CHTF8: variants seen among roughly 807,000 people sequenced by gnomAD.
CHTF8 encodes the protein chromosome transmission fidelity protein 8 homolog.
A neutral mutation model predicts 11.0 loss-of-function variants in CHTF8; 6 were observed. The observed-to-expected ratio is 0.55, with a 90% CI of 0.30 to 1.08. The LOEUF is 1.08. Ranked by LOEUF, CHTF8 falls within the 50% of genes least tolerant of loss-of-function variation. The pLI, the probability that CHTF8 is intolerant of heterozygous loss-of-function variation, is 0.07. For missense variants in CHTF8, 140 were observed against 153.1 expected (o/e 0.91, Z 0.45); for synonymous variants, 53 against 60.5 (o/e 0.88, Z 0.57).
In CHTF8 at chr16:69,119,573, C is replaced by T. The variant is rs944427159; in HGVS notation, c.*852G>A. ...TGTGAGAAAGAAGCTGAATTTGCTCCTAAAAGACCTGCTGCTCTTAGAATG... is the reference window on the plus strand; with the variant it reads ...TGTGAGAAAGAAGCTGAATTTGCTCTTAAAAGACCTGCTGCTCTTAGAATG... On this transcript the variant is annotated 3_prime_UTR_variant, in exon 4 of 4. Coordinates refer to ENST00000448552, the MANE Select transcript of CHTF8 (RefSeq NM_001039690.5). 6 of 702,404 alleles carry T rather than the reference C, an allele frequency of 8.5e-6. No homozygotes were observed. The highest frequency in any genetic ancestry group is 1.6e-5 in the Non-Finnish European group (6 of 384,730). The allele number at this position is 702,404 out of a possible 1,614,324, so 43.5% of individuals were successfully genotyped here.
At chr16:69,122,867 T>A (rs1447816199) in intron 1 of CHTF8, among the ~76,000 whole-genome samples, 1 of 150,846 alleles carries the variant, frequency 6.6e-6, no homozygotes, top group Non-Finnish European at 1.5e-5. Context: ...TTAGTAGAGA[T>A]GGGGTTTCAC....
At chr16:69,127,552 A>T (rs1191003997) in intron 1 of CHTF8, among the ~76,000 whole-genome samples, 1 of 151,662 alleles carries the variant, frequency 6.6e-6, no homozygotes, top group Non-Finnish European at 1.5e-5. Context: ...TACGCTATAC[A>T]TGAAGTCAAG....
intron 1 of CHTF8, among the ~76,000 whole-genome samples, chr16:69,126,133 C>A (rs1962042243): frequency 6.6e-6 from 1 of 152,106 alleles, no homozygotes; most frequent in Non-Finnish European, 1.5e-5. Flanking sequence ...GTACAAGTGA[C>A]AGTAAAATAC....
intron 1 of CHTF8, among the ~76,000 whole-genome samples, chr16:69,122,426 G>T (rs772772385): frequency 3.3e-5 from 5 of 150,266 alleles, no homozygotes; most frequent in Non-Finnish European, 5.9e-5. Context: ...AATCTGGAGC[G>T]CAGTGGCGCC....
At chr16:69,129,742 T>C (rs1715920660) in intron 1 of CHTF8, among the ~76,000 whole-genome samples, 1 of 152,136 alleles carries the variant, frequency 6.6e-6, no homozygotes, top group Admixed American at 6.6e-5. Context: ...GTAAAGCACC[T>C]CTGTATGATA....
Position 69,118,280 on chromosome 16 carries a change from A to C in CHTF8, c.*2145T>G, listed in dbSNP as rs1961315463. ...CCCAGGAGAAGGGAGCTGCAGGCCC[A>C]GTCAGTCAAGCAGAAACTGCATTCG... On this transcript the variant is annotated 3_prime_UTR_variant, in exon 4 of 4. Transcript: ENST00000448552. The C allele has an allele frequency of 5.4e-6, 5 of 928,404 alleles. No individual in the cohort carries two copies. Among genetic ancestry groups the C allele is most frequent in the Non-Finnish European group, 7.1e-6 (4 of 562,068 alleles). 57.5% of individuals were successfully genotyped at this position (928,404 alleles called of 1,614,324 possible).
At chr16:69,124,877 AACAC>A (rs1408051156) in intron 1 of CHTF8, among the ~76,000 whole-genome samples, 2 of 151,918 alleles carry the variant, frequency 1.3e-5, no homozygotes, top group Non-Finnish European at 2.9e-5. Context: ...TAGAGCACCA[AACAC>A]TTTGGGAACA....
chr16:69,131,886 C>G (rs1004098289), intron 1 of CHTF8, among the ~76,000 whole-genome samples: 1 of 151,940 alleles, frequency 6.6e-6, no homozygotes. Context: ...TCCAACCACC[C>G]TTCCAATTAC....
intron 1 of CHTF8, 166 bp downstream of exon 1, chr16:69,132,299 CCCCCTTCCCGGCCACCCCT>C (rs1962605115): frequency 6.8e-6 from 1 of 147,444 alleles, no homozygotes; most frequent in African/African-American, 2.5e-5. Flanking sequence ...CCGCCGCCCT[CCCCCTTCCCGGCCACCCCT>C]CCCCCGCCCG....
At position 69,120,409 on chromosome 16, in the gene CHTF8, A is replaced by C. The variant is rs767846883; in HGVS notation, c.*16T>G. 6.2e-7 allele frequency: 1 copy of C among 1,613,748 alleles called. No homozygotes were observed. The highest frequency in any genetic ancestry group is 1.1e-5 in the South Asian group (1 of 91,062). On this transcript the variant is annotated 3_prime_UTR_variant, in exon 4 of 4. Transcript: ENST00000448552. This position sits in a 1 kb window ranked among gnomAD's most constrained non-coding sequence, Gnocchi z 4.0. ...CCAAGGAGTTGGCCGCTCTCTAGGG[A>C]AAATCCGAGGTTCTTTCATACTTTC...
In CHTF8 at chr16:69,123,893, G is replaced by C. The variant is rs960588711; in HGVS notation, c.-35-2400C>G. Reference sequence around the variant, plus strand: ...ACCTGAGGTCAGGAGTTTGAGACCAGCCTGGCCAACATGATGAAACCCCAT... The same window carrying C: ...ACCTGAGGTCAGGAGTTTGAGACCACCCTGGCCAACATGATGAAACCCCAT... On this transcript the variant is annotated intron_variant, in intron 1 of 3. Coordinates refer to ENST00000448552, the MANE Select transcript of CHTF8 (RefSeq NM_001039690.5). Among the ~76,000 whole-genome samples the C allele has an allele frequency of 4.3e-5, 6 of 140,342 alleles. No individual in the cohort carries two copies. The Admixed American group carries it at 4.4e-4, about 10-fold the overall frequency. The allele number at this position is 140,342 out of a possible 152,430, so 92.1% of individuals were successfully genotyped here.
chr16:69,123,280 G>T (rs191008737), intron 1 of CHTF8, among the ~76,000 whole-genome samples: 44 of 152,252 alleles, frequency 2.9e-4, no homozygotes, highest in African/African-American at 1.0e-3. Flanking sequence ...AGTTTCTTAA[G>T]ATTTTACTTT....
intron 1 of CHTF8, among the ~76,000 whole-genome samples, chr16:69,126,455 G>A (rs1055210387): frequency 2.0e-5 from 3 of 152,218 alleles, no homozygotes; most frequent in African/African-American, 7.2e-5. Context: ...CACTGATGCA[G>A]GAGGCTCTGC....
intron 1 of CHTF8, among the ~76,000 whole-genome samples, chr16:69,130,633 C>G (rs886441186): frequency 3.9e-5 from 6 of 152,312 alleles, no homozygotes; most frequent in Middle Eastern, 3.4e-3. Context: ...TTTTGAAAGG[C>G]TGTTGCAAGA....
At chr16:69,130,623 T>C (rs1962428522) in intron 1 of CHTF8, among the ~76,000 whole-genome samples, 1 of 152,206 alleles carries the variant, frequency 6.6e-6, no homozygotes, top group Admixed American at 6.5e-5. Flanking sequence ...TAAACACCTA[T>C]TTTGAAAGGC....
At chr16:69,128,491 G>C (rs1962252407) in intron 1 of CHTF8, among the ~76,000 whole-genome samples, 1 of 152,036 alleles carries the variant, frequency 6.6e-6, no homozygotes, top group Admixed American at 6.5e-5. Flanking sequence ...CTCATGAGGA[G>C]GGAAAAAAGT....
intron 1 of CHTF8, chr16:69,132,073 C>T: frequency 6.5e-6 from 1 of 154,492 alleles, no homozygotes; most frequent in Non-Finnish European, 1.4e-5. Flanking sequence ...CGGGAAGAGC[C>T]CCTTCCCGCA....
In CHTF8 at chr16:69,118,892, T is replaced by C. The variant is rs1262516621; in HGVS notation, c.*1533A>G. ...ATTCCATTTGGGTACATTGCAGCCA[T>C]TGGACCCCCTGGTCTGGGGAAAGCA... On this transcript the variant is annotated 3_prime_UTR_variant, in exon 4 of 4. Transcript: ENST00000448552. 2.0e-5 allele frequency: 14 copies of C among 703,064 alleles called. No homozygotes were observed. The highest frequency in any genetic ancestry group is 4.6e-4 in the Middle Eastern group (2 of 4,370). 43.6% of individuals were successfully genotyped at this position (703,064 alleles called of 1,614,324 possible).
chr16:69,127,590 T>C (rs1962162113), intron 1 of CHTF8, among the ~76,000 whole-genome samples: 1 of 147,026 alleles, frequency 6.8e-6, no homozygotes, highest in Admixed American at 6.8e-5. Flanking sequence ...GTGGAAGAGC[T>C]CTCCCGGCAA....
Sources: allele counts gnomAD v4.1 joint callset (sites outside exome capture counted in the v4.1 genomes callset), GRCh38; gene constraint gnomAD v4.1.1; non-coding constraint Gnocchi (gnomAD v3.1); transcripts MANE v1.5; gene names NCBI Gene and HGNC (gene_info 2026-07-23, HGNC 2026-07-21).